Variants in ZNF385D observed in about 807,000 individuals in gnomAD.
ZNF385D encodes zinc finger protein 659.
A neutral mutation model predicts 35.8 loss-of-function variants in ZNF385D; 15 were observed. That is an observed-to-expected ratio of 0.42 (90% CI 0.28 to 0.64). ZNF385D has a LOEUF of 0.64. ZNF385D is among the 30% of genes least tolerant of loss of function. The pLI is 0.23. For synonymous variants in ZNF385D, 212 were observed against 186.8 expected (o/e 1.13, Z -1.10); for missense variants, 474 against 494.6 (o/e 0.96, Z 0.39).
intron 3 of ZNF385D, among the ~76,000 whole-genome samples, chr3:21,999,168 T>C (rs1695678220): frequency 6.6e-6 from 1 of 152,218 alleles, no homozygotes; most frequent in Non-Finnish European, 1.5e-5. Context: ...TGAGGTTCTG[T>C]TGTTTTTATC....
At position 21,960,674 on chromosome 3, in the gene ZNF385D, T is replaced by C. The variant is rs57860274; in HGVS notation, c.325+208143A>G. ...AGCACTATTCACAATCGCTAAGATA[T>C]GGAGTTAACCTAAATATTAATCAAC... On this transcript the variant is annotated intron_variant, in intron 3 of 5. Coordinates refer to the ZNF385D transcript ENST00000494108. Among the ~76,000 whole-genome samples the C allele has an allele frequency of 2.6e-3, 398 of 152,266 alleles. 2 individuals carry two copies. Among genetic ancestry groups the C allele is most frequent in the African/African-American group, 9.1e-3 (380 of 41,560 alleles).
At chr3:22,245,744 T>C (rs879444214) in intron 2 of ZNF385D, among the ~76,000 whole-genome samples, 1 of 47,876 alleles carries the variant, frequency 2.1e-5, no homozygotes, top group Non-Finnish European at 4.2e-5. Flanking sequence ...TTCCTTTTTT[T>C]GGGGGGTGGT....
chr3:22,238,334 T>A lies in ZNF385D; in HGVS notation c.107-69299A>T, dbSNP rs1457831154. The stretch of plus-strand genomic sequence containing the variant: ...CCATATGAATTTTAAGATTAGCTTG[T>A]CCATTTCTCCAAAGAACATAGTTGG... On this transcript the variant is annotated intron_variant, in intron 2 of 5. Transcript: ENST00000494108. Among the ~76,000 whole-genome samples the A allele has an allele frequency of 2.6e-5, 4 of 151,146 alleles. No homozygotes were observed. The East Asian group carries it at 7.8e-4, about 30-fold the overall frequency.
intron 3 of ZNF385D, among the ~76,000 whole-genome samples, chr3:21,916,801 A>G (rs1575908448): frequency 6.6e-6 from 1 of 152,212 alleles, no homozygotes; most frequent in Non-Finnish European, 1.5e-5. Context: ...TGTAATAGGT[A>G]ACTTTATTTG....
intron 2 of ZNF385D, among the ~76,000 whole-genome samples, chr3:22,258,288 A>T (rs531262132): frequency 9.2e-5 from 14 of 151,998 alleles, no homozygotes; most frequent in African/African-American, 3.1e-4. Flanking sequence ...GGAAGACATA[A>T]AATTATACAC....
At chr3:21,835,014 C>A (rs887769588) in intron 3 of ZNF385D, among the ~76,000 whole-genome samples, 1 of 152,180 alleles carries the variant, frequency 6.6e-6, no homozygotes, top group East Asian at 1.9e-4. Context: ...TGGAAATTGA[C>A]TAATACATAC....
intron 4 of ZNF385D, among the ~76,000 whole-genome samples, chr3:21,509,398 C>T (rs539403022): frequency 6.6e-6 from 1 of 152,174 alleles, no homozygotes; most frequent in African/African-American, 2.4e-5. Context: ...GCAGAAATTA[C>T]ACTTACCTGC....
At chr3:21,973,319 T>C (rs1219681225) in intron 3 of ZNF385D, among the ~76,000 whole-genome samples, 10 of 151,918 alleles carry the variant, frequency 6.6e-5, no homozygotes, top group Admixed American at 4.6e-4. Context: ...ACAACAACCA[T>C]ATGATAATTT....
At chr3:22,157,005 T>C (rs1007150927) in intron 3 of ZNF385D, among the ~76,000 whole-genome samples, 1 of 152,140 alleles carries the variant, frequency 6.6e-6, no homozygotes, top group Non-Finnish European at 1.5e-5. Flanking sequence ...CAGCACAAGG[T>C]AGACAACCAC....
At chr3:22,108,067 C>T (rs1278927386) in intron 3 of ZNF385D, among the ~76,000 whole-genome samples, 1 of 151,616 alleles carries the variant, frequency 6.6e-6, no homozygotes, top group Non-Finnish European at 1.5e-5. Flanking sequence ...TGATCTTACA[C>T]CCCCAAACCT....
intron 3 of ZNF385D, among the ~76,000 whole-genome samples, chr3:21,891,130 A>G (rs1372266447): frequency 6.6e-6 from 1 of 152,222 alleles, no homozygotes; most frequent in Non-Finnish European, 1.5e-5. Flanking sequence ...TAAGATTTTT[A>G]TGAAAATAAA....
At chr3:21,787,225 G>C (rs576867749) in intron 3 of ZNF385D, among the ~76,000 whole-genome samples, 1 of 152,020 alleles carries the variant, frequency 6.6e-6, no homozygotes, top group African/African-American at 2.4e-5. Context: ...TCCTCTAATC[G>C]CTCAATGATA....
rs2071929760 is a variant in ZNF385D, at chr3:21,791,634, A to T, written c.326-126606T>A. 2.0e-5 allele frequency among the ~76,000 whole-genome samples: 3 copies of T among 152,214 alleles called. 1 individual carries two copies. In the South Asian group the frequency reaches 6.2e-4, roughly 32 times the overall value. ...GCAGCTCTAACGGTTTTCACTATTT[A>T]ATGGCCTCTAACATTATGAATCAAA... On this transcript the variant is annotated intron_variant, in intron 3 of 5. Transcript: ENST00000494108.
chr3:22,285,601 A>G (rs1173448962), intron 2 of ZNF385D, among the ~76,000 whole-genome samples: 2 of 152,142 alleles, frequency 1.3e-5, no homozygotes, highest in Non-Finnish European at 2.9e-5. Context: ...TTACATATGT[A>G]TACATGTGCC....
chr3:21,449,847 G>A (rs1301307710), intron 4 of ZNF385D, among the ~76,000 whole-genome samples: 1 of 152,134 alleles, frequency 6.6e-6, no homozygotes, highest in Non-Finnish European at 1.5e-5. Flanking sequence ...TAGCAGTCCA[G>A]GACTGAATGT....
At chr3:21,827,594 A>AT (rs372760832) in intron 3 of ZNF385D, among the ~76,000 whole-genome samples, 15 of 152,306 alleles carry the variant, frequency 9.8e-5, no homozygotes, top group African/African-American at 3.4e-4. Context: ...CAGCTAGTTC[A>AT]TGTTTCATCC....
At chr3:22,122,029 C>G (rs1020971172) in intron 3 of ZNF385D, among the ~76,000 whole-genome samples, 1 of 152,066 alleles carries the variant, frequency 6.6e-6, no homozygotes, top group Non-Finnish European at 1.5e-5. Context: ...TGACACCAGC[C>G]CAAGGTCAGG....
At chr3:21,756,312 T>G (rs7652871) in intron 3 of ZNF385D, among the ~76,000 whole-genome samples, 3,738 of 152,216 alleles carry the variant, frequency 0.025, 165 homozygotes, top group African/African-American at 0.084. Context: ...TTTTTTAAAG[T>G]AGTGGAGTAT....
At chr3:21,949,024 A>C (rs1461538524) in intron 3 of ZNF385D, among the ~76,000 whole-genome samples, 1 of 152,104 alleles carries the variant, frequency 6.6e-6, no homozygotes, top group Non-Finnish European at 1.5e-5. Context: ...ATATCCAAAA[A>C]TTTTACCTTT....
Sources: gnomAD v4.1 joint callset for allele counts (sites outside exome capture counted in the v4.1 genomes callset) on GRCh38, gnomAD v4.1.1 for gene constraint, MANE v1.5 for transcripts, NCBI Gene and HGNC (gene_info 2026-07-23, HGNC 2026-07-21) for gene names.